The following DEGS2 variants were observed in gnomAD, a reference collection of about 807,000 sequenced individuals.
DEGS2 encodes delta 4-desaturase, sphingolipid 2, also known as sphingolipid delta(4)-desaturase/C4-monooxygenase DES2.
DEGS2 carries 19 observed loss-of-function variants against 23.8 expected under a neutral mutation model. The observed-to-expected ratio is 0.80, with a 90% CI of 0.56 to 1.17. The LOEUF (loss-of-function observed/expected upper bound fraction) is 1.17. Among genes scored for constraint, DEGS2 ranks in the 50% most tolerant of loss-of-function variants. The pLI is 0.00. For missense variants in DEGS2, 390 were observed against 459.5 expected (o/e 0.85, Z 1.38); for synonymous variants, 218 against 213.7 (o/e 1.02, Z -0.18).
chr14:100,146,621 A>G lies in DEGS2; in HGVS notation c.*140T>C. The G allele has an allele frequency of 8.0e-7, 1 of 1,245,018 alleles. No individual in the cohort carries two copies. The highest frequency in any genetic ancestry group is 1.5e-5 in the African/African-American group (1 of 66,538). The allele number at this position is 1,245,018 out of a possible 1,614,324, so 77.1% of individuals were successfully genotyped here. A position where few individuals can be genotyped will look rare whatever the true frequency, so the allele number is the denominator to read the frequency against. ...CCCTGCAGCCCACACTGCTGTTGCC[A>G]GGTGTGGCTGCGCGGGACACTCCTC... On this transcript the variant is annotated 3_prime_UTR_variant, in exon 3 of 3. Transcript: ENST00000305631.
chr14:100,166,277 T>G, the DEGS2 span, among the ~76,000 whole-genome samples: 1 of 27,322 alleles, frequency 3.7e-5, no homozygotes, highest in Non-Finnish European at 9.3e-5. Flanking sequence ...GGAGCCTGTC[T>G]GGGGGAGTGG....
At chr14:100,148,278 C>T (rs993152218) in intron 2 of DEGS2, among the ~76,000 whole-genome samples, 1 of 152,220 alleles carries the variant, frequency 6.6e-6, no homozygotes, top group African/African-American at 2.4e-5. Context: ...ACGTGCACAC[C>T]CCGGTGCACA....
At chr14:100,157,544 C>T (rs1286133220) in intron 1 of DEGS2, among the ~76,000 whole-genome samples, 1 of 152,188 alleles carries the variant, frequency 6.6e-6, no homozygotes, top group African/African-American at 2.4e-5. Flanking sequence ...AGGTTCCTCC[C>T]AGCCCTCCCC....
chr14:100,153,012 T>A (rs1218059088), intron 1 of DEGS2, among the ~76,000 whole-genome samples: 1 of 152,078 alleles, frequency 6.6e-6, no homozygotes, highest in Non-Finnish European at 1.5e-5. Flanking sequence ...ATCTCAGCAC[T>A]TTGGGAGGCT....
At chr14:100,157,752 T>C (rs1471721071) in intron 1 of DEGS2, among the ~76,000 whole-genome samples, 25 of 152,098 alleles carry the variant, frequency 1.6e-4, no homozygotes, top group Admixed American at 1.6e-3. Context: ...TTAAAAGTCA[T>C]GGTATCTCAG....
rs773000763 is a variant in DEGS2, at chr14:100,148,987, G to C, written c.806C>G (p.Pro269Arg). 3.7e-6 allele frequency: 6 copies of C among 1,612,222 alleles called. No homozygotes were observed. The highest frequency in any genetic ancestry group is 1.3e-5 in the African/African-American group (1 of 74,954). The change falls in exon 2 of 3, where the codon CCG becomes CGG. Residue 269 changes from proline to arginine, a missense_variant. Physicochemically the swap from Pro to Arg is moderately radical, Grantham distance 103 (BLOSUM62 -2). Transcript: ENST00000305631. The stretch of plus-strand genomic sequence containing the variant: ...ACATACCAGCGGCAGGTTGTAGCCC[G>C]GGATGCTGGGGAAGTCGTGGTGCTC... ...HVEHHDFPSI[P>R]GYNLPLVRKI...
Position 100,149,207 on chromosome 14 carries a change from C to T in DEGS2, c.586G>A (p.Ala196Thr), listed in dbSNP as rs529305200. 1.5e-4 allele frequency: 240 copies of T among 1,612,482 alleles called. 3 individuals carry two copies. In the South Asian group the frequency reaches 2.4e-3, roughly 16 times the overall value. The change falls in exon 2 of 3, where the codon GCC becomes ACC. Residue 196 changes from alanine to threonine, a missense_variant. Coordinates refer to ENST00000305631, the MANE Select transcript of DEGS2 (RefSeq NM_206918.3). ...EVLNTLVQLAADLAIFALWGL... is the reference protein window; with the variant it reads ...EVLNTLVQLATDLAIFALWGL... ...CAAAGGGCAAAGATGGCCAGGTCGG[C>T]CGCCAGCTGCACCAGCGTGTTGAGC...
upstream of DEGS2, among the ~76,000 whole-genome samples, chr14:100,162,930 T>C (rs1019565473): frequency 6.6e-6 from 1 of 152,194 alleles, no homozygotes; most frequent in African/African-American, 2.4e-5. Flanking sequence ...CATTTCACAC[T>C]GCCCCTCCCA....
At position 100,147,597 on chromosome 14, in the gene DEGS2, C is replaced by T. The variant is rs564820572; in HGVS notation, c.826-690G>A. Among the ~76,000 whole-genome samples, 39 of 152,094 alleles carry T rather than the reference C, an allele frequency of 2.6e-4. No individual in the cohort carries two copies. In the South Asian group the frequency reaches 6.0e-3, roughly 23 times the overall value. Reference sequence around the variant, plus strand: ...GCCCGCAACTGCGCCACCACCACGCCGCCCCACTGCTCAACGGCATGCAGC... The same window carrying T: ...GCCCGCAACTGCGCCACCACCACGCTGCCCCACTGCTCAACGGCATGCAGC... On this transcript the variant is annotated intron_variant, in intron 2 of 2. Transcript: ENST00000305631.
At chr14:100,150,685 C>T (rs1270469903) in intron 1 of DEGS2, among the ~76,000 whole-genome samples, 1 of 152,140 alleles carries the variant, frequency 6.6e-6, no homozygotes, top group Non-Finnish European at 1.5e-5. Context: ...CTACATGGTG[C>T]GCCCTCAGGG....
chr14:100,151,642 G>A (rs1889574128), intron 1 of DEGS2, among the ~76,000 whole-genome samples: 1 of 152,238 alleles, frequency 6.6e-6, no homozygotes, highest in South Asian at 2.1e-4. Flanking sequence ...GGAGCTCCAT[G>A]ACAGTTCTGA....
At chr14:100,165,666 C>G in the DEGS2 span, among the ~76,000 whole-genome samples, 1 of 152,142 alleles carries the variant, frequency 6.6e-6, no homozygotes, top group Non-Finnish European at 1.5e-5. Flanking sequence ...GACCTGGGTC[C>G]TCTGAGCTCT....
At chr14:100,158,086 CAAAAAAAAAAAAAAAA>C (rs55666851) in intron 1 of DEGS2, among the ~76,000 whole-genome samples, 1 of 98,012 alleles carries the variant, frequency 1.0e-5, no homozygotes, top group African/African-American at 4.1e-5. Context: ...GACTTCCTCT[CAAAAAAAAAAAAAAAA>C]AAAAAAAAAG....
chr14:100,147,386 T>C (rs1055697135), intron 2 of DEGS2, among the ~76,000 whole-genome samples: 2 of 152,202 alleles, frequency 1.3e-5, no homozygotes, highest in Non-Finnish European at 2.9e-5. Flanking sequence ...AGTGCCCGCC[T>C]GAGTCCTACC....
chr14:100,163,197 T>G (rs1460140789), upstream of DEGS2, among the ~76,000 whole-genome samples: 1 of 149,048 alleles, frequency 6.7e-6, no homozygotes, highest in Admixed American at 6.7e-5. Flanking sequence ...ATCCCAGCAC[T>G]TTGGGATGCC....
upstream of DEGS2, among the ~76,000 whole-genome samples, chr14:100,162,069 C>T (rs913337714): frequency 2.7e-5 from 4 of 149,322 alleles, no homozygotes; most frequent in East Asian, 6.0e-4. Flanking sequence ...ATAAATAGGC[C>T]GGGCACGGTG....
At chr14:100,160,379 G>A (rs1889732304), upstream of DEGS2, among the ~76,000 whole-genome samples, 1 of 152,206 alleles carries the variant, frequency 6.6e-6, no homozygotes, top group African/African-American at 2.4e-5. Flanking sequence ...GGGCCTTGAG[G>A]GGTGGGTAGG....
intron 2 of DEGS2, 136 bp downstream of exon 2, chr14:100,148,832 T>C: frequency 3.9e-6 from 4 of 1,036,140 alleles, no homozygotes; most frequent in Non-Finnish European, 5.5e-6. Context: ...TGGGGACAAG[T>C]GCAAGTGGCC....
rs112069716 is a variant in DEGS2, at chr14:100,144,171, T to C, written c.*2590A>G. 45 of 196,420 alleles carry C rather than the reference T, an allele frequency of 2.3e-4. No individual in the cohort carries two copies. The highest frequency in any genetic ancestry group is 1.0e-3 in the African/African-American group (43 of 42,540). 12.2% of individuals were successfully genotyped at this position (196,420 alleles called of 1,614,324 possible). On this transcript the variant is annotated 3_prime_UTR_variant, in exon 3 of 3. Coordinates refer to ENST00000305631, the MANE Select transcript of DEGS2 (RefSeq NM_206918.3). ...AGCTCCGTCCCCAGCGCTCATGGTG[T>C]TGAAACTGTCTGTCATGCACCACGG... is the stretch of plus-strand genomic sequence containing the variant.
Sources: gnomAD v4.1 joint callset for allele counts (sites outside exome capture counted in the v4.1 genomes callset) on GRCh38, gnomAD v4.1.1 for gene constraint, MANE v1.5 for transcripts, NCBI Gene and HGNC (gene_info 2026-07-23, HGNC 2026-07-21) for gene names.